The following PLPPR1 variants were observed in gnomAD, a reference collection of about 807,000 sequenced individuals.
PLPPR1 encodes phospholipid phosphatase-related protein type 1.
PLPPR1 carries 10 observed loss-of-function variants against 33.1 expected under a neutral mutation model. The ratio of observed to expected loss-of-function variants is 0.30; its 90% CI spans 0.19 to 0.51. PLPPR1 has a LOEUF of 0.51. PLPPR1 is among the 20% of genes least tolerant of loss of function. PLPPR1 has a pLI of 0.97. For missense variants in PLPPR1, 304 were observed against 408.1 expected (o/e 0.74, Z 2.20); for synonymous variants, 151 against 151.0 (o/e 1.00, Z 0.00).
intron 2 of PLPPR1, among the ~76,000 whole-genome samples, chr9:101,253,454 C>G (rs543733292): frequency 3.3e-5 from 5 of 151,624 alleles, no homozygotes; most frequent in African/African-American, 7.3e-5. Context: ...GGCTGAGGCA[C>G]GAGAATTGCT....
chr9:101,042,458 C>G (rs977560474), intron 1 of PLPPR1, among the ~76,000 whole-genome samples: 1 of 152,120 alleles, frequency 6.6e-6, no homozygotes, highest in African/African-American at 2.4e-5. Flanking sequence ...GCCTGGCCTA[C>G]CAGATCTTCT....
intron 4 of PLPPR1, among the ~76,000 whole-genome samples, chr9:101,295,750 T>C (rs1484708681): frequency 6.6e-6 from 1 of 152,062 alleles, no homozygotes; most frequent in Non-Finnish European, 1.5e-5. Context: ...GCTAGCCATA[T>C]GTAGAAAGCT....
intron 1 of PLPPR1, among the ~76,000 whole-genome samples, chr9:101,143,154 T>C (rs1287063303): frequency 6.6e-6 from 1 of 152,178 alleles, no homozygotes; most frequent in Non-Finnish European, 1.5e-5. Context: ...TGCCAGCATG[T>C]TCTTTGTAAA....
chr9:101,181,780 A>G (rs1240171218), intron 1 of PLPPR1, among the ~76,000 whole-genome samples: 1 of 148,932 alleles, frequency 6.7e-6, no homozygotes, highest in African/African-American at 2.5e-5. Context: ...ATACACACAC[A>G]TACCTAATAC....
At chr9:101,158,075 G>T (rs755609101) in intron 1 of PLPPR1, among the ~76,000 whole-genome samples, 7 of 152,052 alleles carry the variant, frequency 4.6e-5, no homozygotes, top group Non-Finnish European at 1.0e-4. Context: ...TTTCTACAGT[G>T]TTACAAACTA....
chr9:101,321,161 G>A (rs1829142878), intron 7 of PLPPR1, among the ~76,000 whole-genome samples: 1 of 152,176 alleles, frequency 6.6e-6, no homozygotes, highest in Non-Finnish European at 1.5e-5. Flanking sequence ...TCAGATCAGA[G>A]ATTAGAACCT....
intron 1 of PLPPR1, among the ~76,000 whole-genome samples, chr9:101,152,195 T>A (rs1831597930): frequency 6.6e-6 from 1 of 152,202 alleles, no homozygotes; most frequent in Non-Finnish European, 1.5e-5. Context: ...ATAAATGCCT[T>A]ATTTTGAGAA....
At chr9:101,279,541 C>T (rs566253472) in intron 3 of PLPPR1, among the ~76,000 whole-genome samples, 1 of 152,256 alleles carries the variant, frequency 6.6e-6, no homozygotes, top group East Asian at 1.9e-4. Context: ...CTCCTCAGCA[C>T]ATAGATTATT....
intron 1 of PLPPR1, among the ~76,000 whole-genome samples, chr9:101,161,712 G>T (rs1831775794): frequency 6.6e-6 from 1 of 152,042 alleles, no homozygotes; most frequent in East Asian, 1.9e-4. Context: ...CTTATAAGGG[G>T]ATTTTCCCAT....
chr9:101,276,491 G>A (rs1828198629), intron 3 of PLPPR1, among the ~76,000 whole-genome samples: 1 of 151,986 alleles, frequency 6.6e-6, no homozygotes, highest in South Asian at 2.1e-4. Flanking sequence ...ATGACTAGAT[G>A]ATTATGTTAA....
chr9:101,079,011 TAA>T (rs1830583689), intron 1 of PLPPR1, among the ~76,000 whole-genome samples: 1 of 152,236 alleles, frequency 6.6e-6, no homozygotes, highest in Non-Finnish European at 1.5e-5. Context: ...AAAATATTTT[TAA>T]AGTTATATGT....
In PLPPR1 at chr9:101,238,403, G is replaced by A. The variant is rs148222452; in HGVS notation, c.64-31477G>A. Reference sequence around the variant, plus strand: ...GGGTATATATATATGATGGAATTGTGTGTGTGTGTATATATATATATGCAC... The same window carrying A: ...GGGTATATATATATGATGGAATTGTATGTGTGTGTATATATATATATGCAC... On this transcript the variant is annotated intron_variant, in intron 2 of 7. Transcript: ENST00000374874. 4.6e-3 allele frequency among the ~76,000 whole-genome samples: 674 copies of A among 146,936 alleles called. 6 individuals carry two copies. Among genetic ancestry groups the A allele is most frequent in the African/African-American group, 0.016 (641 of 39,698 alleles).
intron 2 of PLPPR1, among the ~76,000 whole-genome samples, chr9:101,257,701 C>T (rs779908612): frequency 1.3e-5 from 2 of 152,164 alleles, no homozygotes; most frequent in Non-Finnish European, 2.9e-5. Context: ...AAACACATTA[C>T]ATGCTCCCAT....
At chr9:101,140,534 A>G (rs191145964) in intron 1 of PLPPR1, among the ~76,000 whole-genome samples, 33 of 152,332 alleles carry the variant, frequency 2.2e-4, no homozygotes, top group Non-Finnish European at 4.3e-4. Context: ...TGTCTCCACA[A>G]GGACTTTCCC....
chr9:101,173,592 G>A (rs947960753), intron 1 of PLPPR1, among the ~76,000 whole-genome samples: 1 of 152,120 alleles, frequency 6.6e-6, no homozygotes, highest in Non-Finnish European at 1.5e-5. Context: ...CCTCTGTTAG[G>A]TATTAGGCAG....
intron 2 of PLPPR1, among the ~76,000 whole-genome samples, chr9:101,218,291 A>G (rs1255735490): frequency 6.6e-6 from 1 of 152,180 alleles, no homozygotes; most frequent in Non-Finnish European, 1.5e-5. Flanking sequence ...AAGTCTGTCG[A>G]TGCTGTATTT....
At chr9:101,291,145 A>C (rs911529500) in intron 4 of PLPPR1, among the ~76,000 whole-genome samples, 1 of 152,216 alleles carries the variant, frequency 6.6e-6, no homozygotes, top group African/African-American at 2.4e-5. Context: ...TATCCCTCAC[A>C]TGGCTCGGAG....
In PLPPR1 at chr9:101,307,821, A is replaced by G. The variant is rs891875624; in HGVS notation, c.386-1390A>G. 9.2e-5 allele frequency among the ~76,000 whole-genome samples: 14 copies of G among 152,226 alleles called. No individual in the cohort carries two copies. The East Asian group carries it at 2.1e-3, about 23-fold the overall frequency. Reference sequence around the variant, plus strand: ...CTATAGCAGACTCTTGACATTTACAAGGGTTAATGCTGCCTCTCGCACTTG... The same window carrying G: ...CTATAGCAGACTCTTGACATTTACAGGGGTTAATGCTGCCTCTCGCACTTG... On this transcript the variant is annotated intron_variant, in intron 4 of 7. Coordinates refer to ENST00000374874, the MANE Select transcript of PLPPR1 (RefSeq NM_207299.2).
intron 1 of PLPPR1, among the ~76,000 whole-genome samples, chr9:101,184,214 A>G (rs1267420219): frequency 6.6e-6 from 1 of 151,892 alleles, no homozygotes; most frequent in African/African-American, 2.4e-5. Context: ...TAATTGAAAA[A>G]AATTAAGTTG....
Sources: gnomAD v4.1 joint callset for allele counts (sites outside exome capture counted in the v4.1 genomes callset) on GRCh38, gnomAD v4.1.1 for gene constraint, MANE v1.5 for transcripts, NCBI Gene and HGNC (gene_info 2026-07-23, HGNC 2026-07-21) for gene names.